ARR3: variants seen among roughly 807,000 people sequenced by gnomAD.
The protein encoded by ARR3 is arrestin 3.
In ARR3, 14 loss-of-function variants were observed where a neutral mutation model predicts 35.4. The ratio of observed to expected loss-of-function variants is 0.40; its 90% confidence interval spans 0.26 to 0.62. ARR3 has a LOEUF of 0.62. ARR3 is among the 20% of genes least tolerant of loss of function. The pLI, the probability that ARR3 is intolerant of heterozygous loss-of-function variation, is 0.46. For synonymous variants in ARR3, 97 were observed against 119.1 expected (o/e 0.81, Z 1.21); for missense variants, 259 against 303.8 (o/e 0.85, Z 1.10).
intron 5 of ARR3, among the ~76,000 whole-genome samples, chrX:70,271,026 A>G (rs1477524186): frequency 1.8e-5 from 2 of 111,822 alleles, no homozygotes; most frequent in Admixed American, 1.9e-4. Context: ...TGTAACTGTT[A>G]GATATTGGAG....
rs1984097736 is a variant in ARR3, at chrX:70,278,415, G to A, written c.768-89G>A. On this transcript the variant is annotated intron_variant, in intron 11 of 16. Coordinates refer to ENST00000307959, the MANE Select transcript of ARR3 (RefSeq NM_004312.3). ...CTCTTGGATACTCCAGTAGGTTCTT[G>A]TATAATCTTGTACAAGATACTCTTG... 24 of 1,058,080 alleles carry A rather than the reference G, an allele frequency of 2.3e-5. No homozygotes were observed. The Admixed American group carries it at 5.8e-4, about 25-fold the overall frequency. The allele number at this position is 1,058,080 out of a possible 1,213,427, so 87.2% of individuals were successfully genotyped here. A position where few individuals can be genotyped will look rare whatever the true frequency, so the allele number is the denominator to read the frequency against.
chrX:70,276,016 G>T, intron 5 of ARR3, 66 bp from the exon 6 acceptor site: 1 of 1,117,829 alleles, frequency 8.9e-7, no homozygotes, highest in South Asian at 1.9e-5. Context: ...GTGTCTTCTT[G>T]ACCCAGTTAA....
intron 12 of ARR3, among the ~76,000 whole-genome samples, chrX:70,279,302 A>C (rs1228115495): frequency 3.6e-5 from 4 of 112,562 alleles, no homozygotes. Context: ...ACCACCTGCC[A>C]CCATCTGTCA....
chrX:70,276,210 G>A lies in ARR3; in HGVS notation c.274G>A (p.Gly92Arg), dbSNP rs771045658. ...VVPAESSSPQ[G>R]PLTVLQERLL... is the part of the protein sequence containing the mutation. ...CCCAGCTGAATCCAGCAGCCCTCAG[G>A]GGCCCCTCACAGTCCTACAGGAGCG... Residue 92 changes from glycine to arginine, a missense_variant, in exon 6 of 17, where the codon GGG becomes AGG. Transcript: ENST00000307959. 6 of 1,211,737 alleles carry A rather than the reference G, an allele frequency of 5.0e-6. No homozygotes were observed. The South Asian group carries it at 1.1e-4, about 21-fold the overall frequency.
In ARR3 at chrX:70,275,119, T is replaced by C. The variant is rs143232744; in HGVS notation, c.146-963T>C. The stretch of plus-strand genomic sequence containing the variant: ...CTCCTGAACAAAAGCTCCTTTAAAG[T>C]CAACTTATTAGCTCATACTCTACGA... On this transcript the variant is annotated intron_variant, in intron 5 of 16. Transcript: ENST00000307959. Among the ~76,000 whole-genome samples the C allele has an allele frequency of 9.9e-3, 1,109 of 112,399 alleles. 13 individuals carry two copies. Among genetic ancestry groups the C allele is most frequent in the African/African-American group, 0.034 (1,047 of 30,954 alleles).
Position 70,278,507 on chromosome X carries a change from G to GACT in ARR3, c.772_774dup (p.Thr258dup). On this transcript the variant is annotated inframe_insertion, in exon 12 of 17. Transcript: ENST00000307959. ...TTCTCTTGTTCTTCTTTTGTAGGGA[G>GACT]ACTGTAGCTGCTAATTCCAGCTTCT... 1 of 1,208,994 alleles carries GACT rather than the reference G, an allele frequency of 8.3e-7. No homozygotes were observed. The highest frequency in any genetic ancestry group is 1.1e-6 in the Non-Finnish European group (1 of 894,150).
At position 70,280,756 on chromosome X, in the gene ARR3, A is replaced by G; in HGVS notation, c.1014-10A>G. 8.3e-7 allele frequency: 1 copy of G among 1,211,039 alleles called. No individual in the cohort carries two copies. Among genetic ancestry groups the G allele is most frequent in the Non-Finnish European group, 1.1e-6 (1 of 895,270 alleles). On this transcript the variant is annotated splice_polypyrimidine_tract_variant and intron_variant, in intron 14 of 16. Transcript: ENST00000307959. ...AGAGGAGATGTAACTCCACCTTGGG[A>G]TCCTTGCAGCGATGTTGGTGTGGAG...
intron 13 of ARR3, 78 bp from the exon 14 acceptor site, chrX:70,280,481 A>T (rs1435806128): frequency 1.8e-5 from 20 of 1,085,339 alleles, no homozygotes; most frequent in Non-Finnish European, 2.2e-5. Flanking sequence ...AGGTCTTATG[A>T]TCCCTCATCC....
intron 5 of ARR3, among the ~76,000 whole-genome samples, chrX:70,273,944 G>A (rs1445118868): frequency 2.7e-5 from 3 of 110,458 alleles, no homozygotes; most frequent in Non-Finnish European, 5.7e-5. Context: ...ACAAACTAAA[G>A]CCTCCTGTGT....
Position 70,278,577 on chromosome X carries a change from A to G in ARR3, c.841A>G (p.Lys281Glu), listed in dbSNP as rs2085664514. The change falls in exon 12 of 17, where the codon AAA (lysine) becomes GAA (glutamate). Residue 281 changes from lysine to glutamate, a missense_variant. By Grantham distance (56) the Lys-to-Glu change is moderately conservative (BLOSUM62 1). Transcript: ENST00000307959. ...CCCAATCCTGGCTGCCAGCTGCCAGAAACGGGGCCTGGCACTGGATGGCAA... is the reference window on the plus strand; with the variant it reads ...CCCAATCCTGGCTGCCAGCTGCCAGGAACGGGGCCTGGCACTGGATGGCAA... Reference protein sequence around the residue: ...VTPILAASCQKRGLALDGKLK... With the variant: ...VTPILAASCQERGLALDGKLK... 3 of 1,210,219 alleles carry G rather than the reference A, an allele frequency of 2.5e-6. No individual in the cohort carries two copies.
chrX:70,274,523 T>C (rs1397866488), intron 5 of ARR3, among the ~76,000 whole-genome samples: 4 of 112,711 alleles, frequency 3.5e-5, no homozygotes, highest in Non-Finnish European at 7.5e-5. Flanking sequence ...TTTTGAGATT[T>C]AACCTTGTTG....
chrX:70,271,807 CAT>C (rs1042549818), intron 5 of ARR3, among the ~76,000 whole-genome samples: 1 of 111,630 alleles, frequency 9.0e-6, no homozygotes, highest in Non-Finnish European at 1.9e-5. Context: ...AGACAATTAA[CAT>C]ATATTTTGTA....
Position 70,278,632 on chromosome X carries a change from C to T in ARR3, c.896C>T (p.Ser299Phe). The change falls in exon 12 of 17, where the codon TCT (serine) becomes TTT (phenylalanine). Residue 299 changes from serine (S) to phenylalanine (F), a missense_variant. Ser to Phe is a radical substitution (Grantham distance 155). Coordinates refer to ENST00000307959, the MANE Select transcript of ARR3 (RefSeq NM_004312.3). Reference protein sequence around the residue: ...KLKHEDTNLASSTIIRPGMDK... With the variant: ...KLKHEDTNLAFSTIIRPGMDK... ...AAGCATGAAGATACCAACCTGGCCT[C>T]TAGCACAATGTAAGCTCAAATATAA... The T allele has an allele frequency of 8.3e-7, 1 of 1,209,838 alleles. No homozygotes were observed. The highest frequency in any genetic ancestry group is 1.1e-6 in the Non-Finnish European group (1 of 894,459).
intron 5 of ARR3, among the ~76,000 whole-genome samples, chrX:70,273,350 T>C (rs899247961): frequency 9.4e-6 from 1 of 106,633 alleles, no homozygotes; most frequent in Non-Finnish European, 1.9e-5. Flanking sequence ...GCCTCCTGAG[T>C]AGCTAGGATT....
chrX:70,274,072 T>C (rs1244958492), intron 5 of ARR3, among the ~76,000 whole-genome samples: 1 of 110,655 alleles, frequency 9.0e-6, no homozygotes, highest in Non-Finnish European at 1.9e-5. Flanking sequence ...TCTTGATGGC[T>C]CCATACTTCT....
intron 5 of ARR3, 112 bp downstream of exon 5, chrX:70,270,256 C>G: frequency 2.4e-6 from 2 of 823,302 alleles, no homozygotes; most frequent in Non-Finnish European, 3.5e-6. Flanking sequence ...AATGCCTTCT[C>G]TGGTGGAGGC....
At chrX:70,281,197 T>C (rs886809881) in intron 16 of ARR3, 89 bp downstream of exon 16, 33 of 1,102,394 alleles carry the variant, frequency 3.0e-5, no homozygotes, top group Non-Finnish European at 3.8e-5. Flanking sequence ...AAATGCTTCC[T>C]TGGGGTGCTT....
At chrX:70,269,595 C>G in intron 2 of ARR3, 67 bp from the exon 3 acceptor site, 1 of 1,139,216 alleles carries the variant, frequency 8.8e-7, no homozygotes, top group Admixed American at 2.3e-5. Context: ...CTCCCCAATT[C>G]CCTTATTTCC....
At chrX:70,272,185 TTCTG>T (rs1368647354) in intron 5 of ARR3, among the ~76,000 whole-genome samples, 4 of 111,059 alleles carry the variant, frequency 3.6e-5, no homozygotes, top group Non-Finnish European at 1.9e-5. Flanking sequence ...CCTTTTTACT[TTCTG>T]TCTTTTTCCT....
Sources: allele counts gnomAD v4.1 joint callset (sites outside exome capture counted in the v4.1 genomes callset), GRCh38; gene constraint gnomAD v4.1.1; transcripts MANE v1.5; gene names NCBI Gene and HGNC (gene_info 2026-07-23, HGNC 2026-07-21).